Variants in MALRD1 observed in about 807,000 individuals in gnomAD.
The protein encoded by MALRD1 is MAM and LDL-receptor class A domain-containing protein 1.
Under a neutral mutation model 242.1 loss-of-function variants are expected in MALRD1, and 247 were observed. The observed-to-expected ratio is 1.02, with a 90% CI of 0.92 to 1.13. The LOEUF (loss-of-function observed/expected upper bound fraction) is 1.13. MALRD1 is among the 50% of genes most tolerant of loss of function. The pLI, the probability that MALRD1 is intolerant of heterozygous loss-of-function variation, is 0.00. For synonymous variants in MALRD1, 995 were observed against 866.6 expected (o/e 1.15, Z -2.60); for missense variants, 2,989 against 2,533.1 (o/e 1.18, Z -3.86).
chr10:19,679,081 C>T (rs984567360), intron 36 of MALRD1, among the ~76,000 whole-genome samples: 1 of 152,256 alleles, frequency 6.6e-6, no homozygotes, highest in Admixed American at 6.5e-5. Flanking sequence ...AGAATTTTTA[C>T]ACTAATGTTC....
intron 18 of MALRD1, among the ~76,000 whole-genome samples, chr10:19,223,729 T>G (rs1837661497): frequency 6.6e-6 from 1 of 152,130 alleles, no homozygotes. Flanking sequence ...CCCCAGTGTG[T>G]GATGTTCCCC....
At chr10:19,560,965 A>T (rs1341390303) in intron 32 of MALRD1, among the ~76,000 whole-genome samples, 1 of 152,220 alleles carries the variant, frequency 6.6e-6, no homozygotes, top group Non-Finnish European at 1.5e-5. Context: ...TAATAAAAAA[A>T]TGATAATCAT....
intron 33 of MALRD1, among the ~76,000 whole-genome samples, chr10:19,568,345 G>GTTT: frequency 6.8e-6 from 1 of 147,586 alleles, no homozygotes; most frequent in Admixed American, 6.6e-5. Context: ...AAGTGGTTTT[G>GTTT]TTGTTGTTGT....
At chr10:19,098,565 A>G (rs1382792887) in intron 4 of MALRD1, among the ~76,000 whole-genome samples, 3 of 152,186 alleles carry the variant, frequency 2.0e-5, no homozygotes, top group African/African-American at 4.8e-5. Flanking sequence ...TACTCTCATC[A>G]TTTTGTGTCT....
At chr10:19,676,605 T>A (rs187425819) in intron 36 of MALRD1, among the ~76,000 whole-genome samples, 23 of 152,292 alleles carry the variant, frequency 1.5e-4, no homozygotes, top group Non-Finnish European at 3.2e-4. Flanking sequence ...AAGTATTGGA[T>A]CCTGTTATCT....
chr10:19,552,645 G>A (rs958434592), intron 32 of MALRD1, among the ~76,000 whole-genome samples: 1 of 151,972 alleles, frequency 6.6e-6, no homozygotes, highest in Non-Finnish European at 1.5e-5. Flanking sequence ...CCTGGTTTTT[G>A]TAAGTAGATG....
intron 26 of MALRD1, among the ~76,000 whole-genome samples, chr10:19,361,385 G>A (rs927133891): frequency 3.3e-5 from 5 of 152,100 alleles, no homozygotes; most frequent in Non-Finnish European, 7.4e-5. Context: ...CATGGTAGAA[G>A]GGGTCTGGTT....
intron 36 of MALRD1, among the ~76,000 whole-genome samples, chr10:19,622,314 A>T (rs555600254): frequency 6.6e-6 from 1 of 151,924 alleles, no homozygotes; most frequent in African/African-American, 2.4e-5. Context: ...TTCTTAGATT[A>T]ATAGTCTACA....
chr10:19,335,193 T>G (rs893007163), intron 24 of MALRD1, among the ~76,000 whole-genome samples: 8 of 20,596 alleles, frequency 3.9e-4, no homozygotes, highest in African/African-American at 1.3e-3. Context: ...TTTTTTTTTG[T>G]TTTTTTTTTT....
intron 38 of MALRD1, chr10:19,722,500 G>A (rs1445640970): frequency 6.8e-6 from 1 of 148,090 alleles, no homozygotes; most frequent in African/African-American, 2.5e-5. Context: ...TGAGGCAGGA[G>A]GATCTCTTGA....
In MALRD1 at chr10:19,702,197, C is replaced by G. The variant is rs372359923; in HGVS notation, c.6314+9643C>G. Among the ~76,000 whole-genome samples, 25 of 152,238 alleles carry G rather than the reference C, an allele frequency of 1.6e-4. 1 individual carries two copies. The highest frequency in any genetic ancestry group is 5.5e-4 in the African/African-American group (23 of 41,546). ...TAAAGATGCAAAAGGAGATGCATAG[C>G]TTTTCAAAATTATTTTAGGAAATAT... On this transcript the variant is annotated intron_variant, in intron 38 of 39. Transcript: ENST00000454679.
intron 31 of MALRD1, among the ~76,000 whole-genome samples, chr10:19,525,208 C>A (rs2131329371): frequency 6.6e-6 from 1 of 151,774 alleles, no homozygotes; most frequent in African/African-American, 2.4e-5. Context: ...AGCCACCGAG[C>A]CCAGCTAGCT....
intron 32 of MALRD1, among the ~76,000 whole-genome samples, chr10:19,538,321 A>G (rs900028904): frequency 2.0e-5 from 3 of 152,196 alleles, no homozygotes; most frequent in African/African-American, 7.2e-5. Context: ...AATATCCTTC[A>G]ATTAAAGGCT....
At position 19,124,662 on chromosome 10, in the gene MALRD1, A is replaced by AT. The variant is rs1837189330; in HGVS notation, c.936dup (p.Asp313Ter). The AT allele has an allele frequency of 8.1e-7, 1 of 1,233,704 alleles. No homozygotes were observed. Among genetic ancestry groups the AT allele is most frequent in the Non-Finnish European group, 1.0e-6 (1 of 988,088 alleles). 76.4% of individuals were successfully genotyped at this position (1,233,704 alleles called of 1,614,324 possible). A position where few individuals can be genotyped will look rare whatever the true frequency, so the allele number is the denominator to read the frequency against. On this transcript the variant is annotated frameshift_variant, in exon 7 of 40. Transcript: ENST00000454679. LOFTEE classifies it high-confidence loss of function. ...ACACCTCAGCAGGATCAAGGAGGTGATGATGAAGGTAGAAAAAAAAATAAT... is the reference window on the plus strand; with the variant it reads ...ACACCTCAGCAGGATCAAGGAGGTGATTGATGAAGGTAGAAAAAAAAATAAT...
At chr10:19,519,848 A>G (rs1833798548) in intron 31 of MALRD1, among the ~76,000 whole-genome samples, 2 of 152,238 alleles carry the variant, frequency 1.3e-5, no homozygotes, top group South Asian at 4.1e-4. Flanking sequence ...AGTTTGGAAC[A>G]AAAGACTATT....
At chr10:19,187,426 C>G (rs999207295) in intron 14 of MALRD1, among the ~76,000 whole-genome samples, 1 of 152,006 alleles carries the variant, frequency 6.6e-6, no homozygotes, top group African/African-American at 2.4e-5. Flanking sequence ...GGTGAGGAAA[C>G]AAGCTTTGAG....
intron 28 of MALRD1, among the ~76,000 whole-genome samples, chr10:19,449,846 T>C (rs191427453): frequency 1.3e-3 from 195 of 152,210 alleles, no homozygotes; most frequent in African/African-American, 4.5e-3. Flanking sequence ...ATAAAAGTTT[T>C]TGAGGGGAGG....
rs533866406 is a variant in MALRD1, at chr10:19,216,122, T to C, written c.2991+6442T>C. 1.2e-3 allele frequency among the ~76,000 whole-genome samples: 181 copies of C among 145,780 alleles called. 6 individuals are homozygous for C. In the East Asian group the frequency reaches 0.026, roughly 21 times the overall value. On this transcript the variant is annotated intron_variant, in intron 18 of 39. Transcript: ENST00000454679. ...TTCTTTCTTTCTTTCTTTCTTTCTT[T>C]TTTTTTTTTTTTTGAGACAGCGTCT...
chr10:19,707,243 T>C lies in MALRD1; in HGVS notation c.6314+14689T>C, dbSNP rs564062014. On this transcript the variant is annotated intron_variant, in intron 38 of 39. Transcript: ENST00000454679. ...TTCTTCTCCTTCTCCTCCTTCTCCT[T>C]CTTCTTTCCTCCAGCTTAAGGTGGT... Among the ~76,000 whole-genome samples the C allele has an allele frequency of 7.9e-5, 12 of 152,144 alleles. No homozygotes were observed. In the East Asian group the frequency reaches 2.1e-3, roughly 27 times the overall value.
Sources: allele counts gnomAD v4.1 joint callset (sites outside exome capture counted in the v4.1 genomes callset), GRCh38; gene constraint gnomAD v4.1.1; transcripts MANE v1.5; gene names NCBI Gene and HGNC (gene_info 2026-07-23, HGNC 2026-07-21).